The following PKIA variants were observed in gnomAD, a reference collection of about 807,000 sequenced individuals.
The protein encoded by PKIA is cAMP-dependent protein kinase inhibitor alpha, also known as PKI-alpha.
PKIA carries 4 observed loss-of-function variants against 7.6 expected under a neutral mutation model. That is an observed-to-expected ratio of 0.52 (90% CI 0.26 to 1.20). The LOEUF is 1.20. Ranked by LOEUF, PKIA falls within the 50% of genes most tolerant of loss-of-function variation. The pLI, the probability that PKIA is intolerant of heterozygous loss-of-function variation, is 0.13. For synonymous variants in PKIA, 21 were observed against 30.7 expected (o/e 0.68, Z 1.04); for missense variants, 73 against 86.2 (o/e 0.85, Z 0.61).
chr8:78,547,507 T>A (rs939939437), intron 1 of PKIA, among the ~76,000 whole-genome samples: 4 of 152,214 alleles, frequency 2.6e-5, no homozygotes, highest in Non-Finnish European at 5.9e-5. Context: ...AATTTATATA[T>A]CTTAACCACT....
chr8:78,594,260 G>A (rs903200808), intron 2 of PKIA, among the ~76,000 whole-genome samples: 3 of 151,998 alleles, frequency 2.0e-5, no homozygotes, highest in Admixed American at 2.0e-4. Context: ...AAACTGTTAC[G>A]GGTGGAGTAA....
intron 1 of PKIA, among the ~76,000 whole-genome samples, chr8:78,570,245 A>G (rs1025533719): frequency 6.6e-6 from 1 of 152,176 alleles, no homozygotes; most frequent in African/African-American, 2.4e-5. Context: ...TCATAATTGA[A>G]CTTCTGAAAC....
chr8:78,537,328 T>C (rs573272046), intron 1 of PKIA, among the ~76,000 whole-genome samples: 14 of 152,214 alleles, frequency 9.2e-5, no homozygotes, highest in Non-Finnish European at 1.3e-4. Context: ...TTTATCTCTA[T>C]GAAGATTTTA....
intron 1 of PKIA, among the ~76,000 whole-genome samples, chr8:78,567,131 A>G (rs1807433191): frequency 6.6e-6 from 1 of 152,194 alleles, no homozygotes; most frequent in African/African-American, 2.4e-5. Flanking sequence ...AAAGTATATT[A>G]TAGAGATTTC....
At chr8:78,564,026 C>T (rs1022707366) in intron 1 of PKIA, among the ~76,000 whole-genome samples, 1 of 151,940 alleles carries the variant, frequency 6.6e-6, no homozygotes, top group Admixed American at 6.6e-5. Flanking sequence ...ACGAAGATCA[C>T]TGAAGATGCT....
At chr8:78,516,607 ATGG>A (rs1390487182) in intron 1 of PKIA, 139 bp downstream of exon 1, 4 of 152,650 alleles carry the variant, frequency 2.6e-5, no homozygotes. Context: ...AACAACTAGG[ATGG>A]AAATGTTGGG....
At chr8:78,582,424 C>T (rs1030422911) in intron 2 of PKIA, among the ~76,000 whole-genome samples, 1 of 151,944 alleles carries the variant, frequency 6.6e-6, no homozygotes, top group African/African-American at 2.4e-5. Context: ...TTCAAACCAT[C>T]AGATCTTGTG....
At chr8:78,561,085 G>A (rs1361232735) in intron 1 of PKIA, among the ~76,000 whole-genome samples, 1 of 152,170 alleles carries the variant, frequency 6.6e-6, no homozygotes, top group Admixed American at 6.5e-5. Flanking sequence ...AATGATTAGT[G>A]TGTTTGGACT....
In PKIA at chr8:78,577,486, C is replaced by T. The variant is rs565352954; in HGVS notation, c.-28+4547C>T. On this transcript the variant is annotated intron_variant, in intron 2 of 3. Transcript: ENST00000396418. ...AACAACCTGCACATGTACCACTGAA[C>T]CTAAAATAAAAGTTTGAAAAAAAAA... is the stretch of plus-strand genomic sequence containing the variant. 4.7e-4 allele frequency among the ~76,000 whole-genome samples: 71 copies of T among 151,206 alleles called. 1 individual carries two copies. Among genetic ancestry groups the T allele is most frequent in the African/African-American group, 1.7e-3 (69 of 41,178 alleles).
At chr8:78,530,558 A>C (rs1025438203) in intron 1 of PKIA, among the ~76,000 whole-genome samples, 5 of 151,998 alleles carry the variant, frequency 3.3e-5, no homozygotes, top group African/African-American at 1.2e-4. Flanking sequence ...GTCTATCAGC[A>C]GCTCCTCTTG....
intron 1 of PKIA, among the ~76,000 whole-genome samples, chr8:78,550,486 A>C (rs958045794): frequency 2.0e-5 from 3 of 151,988 alleles, no homozygotes; most frequent in Non-Finnish European, 4.4e-5. Context: ...AGAAGGAAGA[A>C]ACCTGCCGGC....
Position 78,598,422 on chromosome 8 carries a change from C to T in PKIA, c.38C>T (p.Ala13Val). The change falls in exon 3 of 4, where the codon GCT becomes GTT. Residue 13 changes from alanine to valine, a missense_variant. Transcript: ENST00000396418. ...DVETTYADFI[A>V]SGRTGRRNAI... ...GAAACTACATATGCAGATTTTATTGCTTCAGGAAGAACAGGTAGAAGAAAT... is the reference window on the plus strand; with the variant it reads ...GAAACTACATATGCAGATTTTATTGTTTCAGGAAGAACAGGTAGAAGAAAT... 1 of 1,611,406 alleles carries T rather than the reference C, an allele frequency of 6.2e-7. No homozygotes were observed.
chr8:78,576,610 A>C (rs1807679064), intron 2 of PKIA, among the ~76,000 whole-genome samples: 3 of 151,976 alleles, frequency 2.0e-5, no homozygotes, highest in Admixed American at 2.0e-4. Flanking sequence ...ATTAAATTAA[A>C]ATTTCAGCAC....
chr8:78,573,352 A>C (rs1435303620), intron 2 of PKIA, among the ~76,000 whole-genome samples: 1 of 152,046 alleles, frequency 6.6e-6, no homozygotes, highest in Non-Finnish European at 1.5e-5. Context: ...GTCCTAATGA[A>C]TGATGTAAGG....
intron 1 of PKIA, among the ~76,000 whole-genome samples, chr8:78,530,105 A>G (rs1410998289): frequency 2.0e-5 from 3 of 152,036 alleles, no homozygotes; most frequent in Non-Finnish European, 4.4e-5. Flanking sequence ...ATGATAATAA[A>G]TTATATTTTT....
intron 1 of PKIA, among the ~76,000 whole-genome samples, chr8:78,540,708 A>AT (rs1806663635): frequency 6.6e-6 from 1 of 151,322 alleles, no homozygotes; most frequent in African/African-American, 2.4e-5. Flanking sequence ...TTTTTTCGCA[A>AT]ATTTTTTTTT....
intron 2 of PKIA, among the ~76,000 whole-genome samples, chr8:78,581,943 G>A (rs368811459): frequency 6.6e-6 from 1 of 151,988 alleles, no homozygotes; most frequent in African/African-American, 2.4e-5. Context: ...ACTCTCAAAT[G>A]GCTTGAGAAA....
At chr8:78,569,807 T>C (rs1414034432) in intron 1 of PKIA, among the ~76,000 whole-genome samples, 2 of 152,050 alleles carry the variant, frequency 1.3e-5, no homozygotes, top group Admixed American at 6.6e-5. Flanking sequence ...ATAGATGTTA[T>C]AAAATAAAAA....
intron 1 of PKIA, among the ~76,000 whole-genome samples, chr8:78,527,933 G>A (rs1806288547): frequency 6.6e-6 from 1 of 152,032 alleles, no homozygotes; most frequent in Non-Finnish European, 1.5e-5. Context: ...TTCTAACTTG[G>A]AAGGTACTCT....
Sources: gnomAD v4.1 joint callset for allele counts (sites outside exome capture counted in the v4.1 genomes callset) on GRCh38, gnomAD v4.1.1 for gene constraint, MANE v1.5 for transcripts, NCBI Gene and HGNC (gene_info 2026-07-23, HGNC 2026-07-21) for gene names.